Variants in POM121 observed in about 807,000 individuals in gnomAD.
POM121 encodes the protein POM121 transmembrane nucleoporin.
In POM121, 32 loss-of-function variants were observed where a neutral mutation model predicts 81.3. The observed-to-expected ratio is 0.39, with a 90% confidence interval of 0.30 to 0.53. The LOEUF (loss-of-function observed/expected upper bound fraction) is 0.53, where lower values mean the gene tolerates loss of function less well. POM121 is among the 20% of genes least tolerant of loss of function. POM121 has a pLI of 0.66. For synonymous variants in POM121, 514 were observed against 694.2 expected, an observed-to-expected ratio of 0.74 and a Z score of 4.08; for missense variants, 1,138 against 1,614.6, an observed-to-expected ratio of 0.70 and a Z score of 5.06.
In POM121 at chr7:72,894,644, AGAGAGAGAG is replaced by A. The variant is rs1791715701; in HGVS notation, c.-216+3535_-216+3543del. Among the ~76,000 whole-genome samples the A allele has an allele frequency of 1.4e-3, 192 of 135,252 alleles. 4 individuals are homozygous for A. Among genetic ancestry groups the A allele is most frequent in the Middle Eastern group, 4.5e-3 (1 of 224 alleles). The allele number at this position is 135,252 out of a possible 152,430, so 88.7% of individuals were successfully genotyped here. A position where few individuals can be genotyped will look rare whatever the true frequency, so the allele number is the denominator to read the frequency against. On this transcript the variant is annotated intron_variant, in intron 3 of 15. Transcript: ENST00000395270. ...AGAGAGAGGAGAGAGAGAGAGAGAG[AGAGAGAGAG>A]AGAGAGAGAGAGAGAGAGAGAGAGA...
chr7:72,931,069 G>A (rs1281212171), intron 5 of POM121, among the ~76,000 whole-genome samples: 5 of 152,062 alleles, frequency 3.3e-5, no homozygotes, highest in African/African-American at 4.8e-5. Context: ...TTTGAGACGA[G>A]TTCATCAGCC....
At chr7:72,920,458 C>T (rs1794705127), upstream of POM121, among the ~76,000 whole-genome samples, 1 of 151,032 alleles carries the variant, frequency 6.6e-6, no homozygotes, top group Non-Finnish European at 1.5e-5. Context: ...ACGCCATTCT[C>T]CTGCCTCAGC....
intron 3 of POM121, among the ~76,000 whole-genome samples, chr7:72,900,619 C>T (rs541317738): frequency 1.3e-5 from 2 of 152,182 alleles, no homozygotes; most frequent in East Asian, 3.9e-4. Flanking sequence ...ATTCTCTTAC[C>T]TCAGCTTGGG....
intron 11 of POM121, among the ~76,000 whole-genome samples, chr7:72,944,066 G>A (rs1401155632): frequency 6.6e-6 from 1 of 152,214 alleles, no homozygotes; most frequent in South Asian, 2.1e-4. Flanking sequence ...GCTGAATATG[G>A]GGGTGGGCAC....
At position 72,946,340 on chromosome 7, in the gene POM121, C is replaced by G; in HGVS notation, c.*106C>G. ...TCCAGTTGCGTAAAGCAAACCTACC[C>G]CGGATCTCTGGCTTCAGCCGCCAGG... is the stretch of plus-strand genomic sequence containing the variant. On this transcript the variant is annotated 3_prime_UTR_variant, in exon 13 of 13. Transcript: ENST00000434423. The G allele has an allele frequency of 6.8e-7, 1 of 1,470,626 alleles. No individual in the cohort carries two copies. Among genetic ancestry groups the G allele is most frequent in the Non-Finnish European group, 9.0e-7 (1 of 1,108,140 alleles). 91.1% of individuals were successfully genotyped at this position (1,470,626 alleles called of 1,614,324 possible). A position where few individuals can be genotyped will look rare whatever the true frequency, so the allele number is the denominator to read the frequency against.
chr7:72,938,393 G>C (rs184235569), intron 5 of POM121, among the ~76,000 whole-genome samples, 197 bp from the exon 6 acceptor site: 2 of 152,104 alleles, frequency 1.3e-5, no homozygotes, highest in East Asian at 3.9e-4. Context: ...GTCTCGCTAT[G>C]TTACCCAGGC....
In POM121 at chr7:72,946,266, C is replaced by T; in HGVS notation, c.*32C>T. On this transcript the variant is annotated 3_prime_UTR_variant, in exon 13 of 13. Coordinates refer to ENST00000434423, the MANE Select transcript of POM121 (RefSeq NM_001387691.1). ...TCCCCTGTCCCTGTTCCCCCCACCC[C>T]TTCCCTAAATCTGGACCTTGGCACC... The T allele has an allele frequency of 1.2e-6, 2 of 1,607,410 alleles. No individual in the cohort carries two copies. Among genetic ancestry groups the T allele is most frequent in the South Asian group, 1.1e-5 (1 of 90,566 alleles).
At chr7:72,929,070 C>T (rs1157420973) in intron 4 of POM121, among the ~76,000 whole-genome samples, 15 of 152,132 alleles carry the variant, frequency 9.9e-5, no homozygotes, top group African/African-American at 2.9e-4. Context: ...TGTACACAAA[C>T]GGAAATTCAT....
downstream of POM121, chr7:72,948,598 C>T (rs1238578661): frequency 3.1e-6 from 5 of 1,608,556 alleles, no homozygotes; most frequent in Non-Finnish European, 4.3e-6. Flanking sequence ...TGAGGCTGAG[C>T]TAGAGAAATG....
At chr7:72,880,008 G>T in intron 1 of POM121, 1 of 370,656 alleles carries the variant, frequency 2.7e-6, no homozygotes, top group Non-Finnish European at 5.3e-6. Context: ...CATGTGTTGG[G>T]TTTGAGGGCA....
chr7:72,932,585 C>G (rs1486212583), intron 5 of POM121, among the ~76,000 whole-genome samples: 1 of 152,108 alleles, frequency 6.6e-6, no homozygotes, highest in African/African-American at 2.4e-5. Context: ...GTCAGATTCC[C>G]AGGTCAAAGG....
upstream of POM121, among the ~76,000 whole-genome samples, chr7:72,923,844 GC>G (rs1795079218): frequency 6.6e-6 from 1 of 151,696 alleles, no homozygotes; most frequent in South Asian, 2.1e-4. Context: ...CAGATGATCC[GC>G]CCACCTCGGC....
At chr7:72,891,510 G>T (rs533322431) in intron 3 of POM121, among the ~76,000 whole-genome samples, 2 of 152,248 alleles carry the variant, frequency 1.3e-5, no homozygotes, top group African/African-American at 4.8e-5. Flanking sequence ...AGGTTCAAGC[G>T]ATTCTCCTTC....
At position 72,943,196 on chromosome 7, in the gene POM121, C is replaced by T. The variant is rs1444505900; in HGVS notation, c.3203C>T (p.Ala1068Val). The stretch of plus-strand genomic sequence containing the variant: ...TCCACTGCTGTCTTCTTCGGTGCAG[C>T]CACCAGCTCCGGCTTTGGAGCCACC... ...GGSTAVFFGA[A>V]TSSGFGATTQ... Residue 1068 changes from alanine (A) to valine (V), a missense_variant, in exon 11 of 13, where the codon GCC becomes GTC. By Grantham distance (64) the Ala-to-Val change is moderately conservative (BLOSUM62 0). Around this residue, in one of 7 missense-constraint regions of POM121, gnomAD observed 336 missense variants for 344.3 expected, o/e 0.98. Coordinates refer to ENST00000434423, the MANE Select transcript of POM121 (RefSeq NM_001387691.1). The T allele has an allele frequency of 6.2e-7, 1 of 1,613,140 alleles. No individual in the cohort carries two copies. The highest frequency in any genetic ancestry group is 1.3e-5 in the African/African-American group (1 of 74,930).
chr7:72,893,559 G>A (rs1554491226), intron 3 of POM121, among the ~76,000 whole-genome samples: 1 of 152,110 alleles, frequency 6.6e-6, no homozygotes, highest in African/African-American at 2.4e-5. Flanking sequence ...ACTCCAGCCT[G>A]GGCGACAGAG....
At position 72,883,487 on chromosome 7, in the gene POM121, AC is replaced by A. The variant is rs574797861; in HGVS notation, c.-521+3605del. The stretch of plus-strand genomic sequence containing the variant: ...ATCTTTTTAAAAGGGGCTAGGAATA[AC>A]CCATAATACTCTCTTTCTTAATACA... On this transcript the variant is annotated intron_variant, in intron 1 of 15. Coordinates refer to the POM121 transcript ENST00000395270. Among the ~76,000 whole-genome samples the A allele has an allele frequency of 6.8e-4, 103 of 152,252 alleles. 1 individual carries two copies. The highest frequency in any genetic ancestry group is 5.1e-3 in the Admixed American group (78 of 15,276).
At chr7:72,928,868 TA>T (rs1795739579) in intron 4 of POM121, among the ~76,000 whole-genome samples, 1 of 152,172 alleles carries the variant, frequency 6.6e-6, no homozygotes, top group Non-Finnish European at 1.5e-5. Flanking sequence ...TGGAAAGACT[TA>T]GGATACCTTA....
chr7:72,884,934 C>G (rs1790564677), intron 1 of POM121, among the ~76,000 whole-genome samples: 1 of 152,026 alleles, frequency 6.6e-6, no homozygotes, highest in South Asian at 2.1e-4. Flanking sequence ...TTTATCTAAA[C>G]TATAGTTCAT....
chr7:72,926,826 A>T lies in POM121; in HGVS notation c.885A>T (p.Thr295=), dbSNP rs1554497599. 1 of 1,613,870 alleles carries T rather than the reference A, an allele frequency of 6.2e-7. No homozygotes were observed. The highest frequency in any genetic ancestry group is 1.7e-5 in the Admixed American group (1 of 59,994). The change falls in exon 3 of 13, where the codon ACA becomes ACT. Residue 295 remains threonine, a synonymous_variant. Transcript: ENST00000434423. The part of the protein sequence containing the change: ...SAIPEQIISS[T]LSSPSSNAPD... ...GACCAGAGCAGATAATCAGCTCAACACTGTCCTCACCATCAAGTAACGCCC... is the reference window on the plus strand; with the variant it reads ...GACCAGAGCAGATAATCAGCTCAACTCTGTCCTCACCATCAAGTAACGCCC...
Sources: gnomAD v4.1 joint callset for allele counts (sites outside exome capture counted in the v4.1 genomes callset) on GRCh38, gnomAD v4.1.1 for gene constraint, gnomAD v4.1.1 regional missense constraint, MANE v1.5 for transcripts, NCBI Gene and HGNC (gene_info 2026-07-23, HGNC 2026-07-21) for gene names.